The following SCTR variants were observed in gnomAD, a reference collection of about 807,000 sequenced individuals.
SCTR encodes the protein secretin receptor, also known as pancreatic secretin receptor.
SCTR carries 56 observed loss-of-function variants against 60.8 expected under a neutral mutation model. That is an observed-to-expected ratio of 0.92 (90% CI 0.74 to 1.15). The LOEUF (loss-of-function observed/expected upper bound fraction) is 1.15. Ranked by LOEUF, SCTR falls within the 50% of genes most tolerant of loss-of-function variation. The pLI, the probability that SCTR is intolerant of heterozygous loss-of-function variation, is 0.00. For synonymous variants in SCTR, 202 were observed against 217.0 expected, an observed-to-expected ratio of 0.93 and a Z score of 0.61; for missense variants, 562 against 550.4, an observed-to-expected ratio of 1.02 and a Z score of -0.21.
chr2:119,462,157 T>C (rs1683637517), intron 6 of SCTR, among the ~76,000 whole-genome samples, 157 bp from the exon 7 acceptor site: 1 of 152,162 alleles, frequency 6.6e-6, no homozygotes, highest in African/African-American at 2.4e-5. Context: ...CCTTCCTCCA[T>C]CAGGCCTGCA....
rs1436995496 is a variant in SCTR at position 119,470,315 on chromosome 2, C to A, written c.405+3138G>T. On this transcript the variant is annotated intron_variant, in intron 4 of 12. Coordinates refer to ENST00000019103, the MANE Select transcript of SCTR (RefSeq NM_002980.3). ...AAAAAGAAAAGCAACTAATACATAC[C>A]TTCACCCTCAGTTGATAAAAAGACA... Among the ~76,000 whole-genome samples the A allele has an allele frequency of 2.6e-5, 4 of 152,246 alleles. No individual in the cohort carries two copies. In the East Asian group the frequency reaches 7.7e-4, roughly 29 times the overall value.
At chr2:119,481,241 A>G (rs1677586974) in intron 2 of SCTR, among the ~76,000 whole-genome samples, 1 of 152,200 alleles carries the variant, frequency 6.6e-6, no homozygotes, top group Non-Finnish European at 1.5e-5. Flanking sequence ...TTTTTTAAGG[A>G]GCAAGAACCT....
In SCTR at chr2:119,465,653, T is replaced by C. The variant is rs1558849747; in HGVS notation, c.503+136A>G. ...TCACAGGAACCTCGATGTTTTGCCA[T>C]AGGTCAGCTTTAGATCAAGAGACGA... On this transcript the variant is annotated intron_variant, in intron 5 of 12. Transcript: ENST00000019103. 2.0e-5 allele frequency: 13 copies of C among 637,664 alleles called. No individual in the cohort carries two copies. In the East Asian group the frequency reaches 3.5e-4, roughly 17 times the overall value. The allele number at this position is 637,664 out of a possible 1,614,324, so 39.5% of individuals were successfully genotyped here. A position where few individuals can be genotyped will look rare whatever the true frequency, so the allele number is the denominator to read the frequency against.
intron 1 of SCTR, 108 bp downstream of exon 1, chr2:119,524,047 T>A: frequency 1.2e-6 from 1 of 811,760 alleles, no homozygotes; most frequent in Non-Finnish European, 2.1e-6. Context: ...CTATTCCTCA[T>A]GGGAAGATCT....
chr2:119,461,913 T>A lies in SCTR; in HGVS notation c.724A>T (p.Thr242Ser), dbSNP rs754194199. The A allele has an allele frequency of 2.5e-6, 4 of 1,613,928 alleles. No homozygotes were observed. The highest frequency in any genetic ancestry group is 3.4e-6 in the Non-Finnish European group (4 of 1,179,952). ...GAGAAGAAGGAGATGGCGAGGAGTG[T>A]GTGAAGGTAGAGGCCTTCCACCAGC... ...WLLVEGLYLH[T>S]LLAISFFSER... Residue 242 changes from threonine (T) to serine (S), a missense_variant, in exon 7 of 13, where the codon ACA becomes TCA. Thr to Ser is a moderately conservative substitution (Grantham distance 58, BLOSUM62 1). Transcript: ENST00000019103.
intron 10 of SCTR, 102 bp downstream of exon 10, chr2:119,448,587 A>G: frequency 1.4e-6 from 1 of 724,222 alleles, no homozygotes; most frequent in Non-Finnish European, 2.5e-6. Context: ...TAGGTCTACA[A>G]CGTTTCCTCC....
chr2:119,442,371 C>T (rs1682688298), intron 11 of SCTR, among the ~76,000 whole-genome samples: 1 of 152,232 alleles, frequency 6.6e-6, no homozygotes, highest in Non-Finnish European at 1.5e-5. Context: ...CCCTGCTCCT[C>T]TCCTTTCTCA....
intron 7 of SCTR, among the ~76,000 whole-genome samples, chr2:119,459,483 G>T (rs1683512798): frequency 6.6e-6 from 1 of 151,784 alleles, no homozygotes; most frequent in Admixed American, 6.6e-5. Flanking sequence ...ACCTATCTTT[G>T]ATGAAATCAG....
chr2:119,469,245 GT>G (rs1465633178), intron 4 of SCTR, among the ~76,000 whole-genome samples: 1 of 152,134 alleles, frequency 6.6e-6, no homozygotes, highest in Non-Finnish European at 1.5e-5. Flanking sequence ...ATTGCAGAGG[GT>G]GTCAGCCTCA....
At chr2:119,473,188 C>G (rs1169743463) in intron 4 of SCTR, among the ~76,000 whole-genome samples, 1 of 152,208 alleles carries the variant, frequency 6.6e-6, no homozygotes, top group Non-Finnish European at 1.5e-5. Flanking sequence ...ACAGCACCCC[C>G]AGTCTCGCGG....
chr2:119,499,836 C>T (rs1347045998), intron 1 of SCTR, among the ~76,000 whole-genome samples: 4 of 152,038 alleles, frequency 2.6e-5, no homozygotes, highest in African/African-American at 9.7e-5. Flanking sequence ...TTAATGTTGA[C>T]ATTTCTTGCC....
chr2:119,450,338 A>G (rs1044193691), intron 9 of SCTR, among the ~76,000 whole-genome samples: 2 of 152,166 alleles, frequency 1.3e-5, no homozygotes, highest in Non-Finnish European at 2.9e-5. Context: ...AGCCCTGGAC[A>G]CTGGAGCTGG....
intron 1 of SCTR, among the ~76,000 whole-genome samples, chr2:119,512,897 G>A (rs1475551064): frequency 6.6e-6 from 1 of 152,068 alleles, no homozygotes; most frequent in Non-Finnish European, 1.5e-5. Flanking sequence ...TCTTAAGTTT[G>A]TCTCCTCTTG....
chr2:119,463,388 A>G (rs578025948), intron 6 of SCTR, among the ~76,000 whole-genome samples: 1 of 152,326 alleles, frequency 6.6e-6, no homozygotes. Context: ...GAACACAGAC[A>G]GGAGGCCTGG....
chr2:119,457,127 A>C (rs1044953698), intron 7 of SCTR, among the ~76,000 whole-genome samples: 6 of 152,242 alleles, frequency 3.9e-5, no homozygotes, highest in Non-Finnish European at 8.8e-5. Flanking sequence ...ACAAACAAAT[A>C]GGAACTGATA....
chr2:119,514,395 G>A (rs1378897769), intron 1 of SCTR, among the ~76,000 whole-genome samples: 3 of 152,192 alleles, frequency 2.0e-5, no homozygotes, highest in African/African-American at 7.2e-5. Flanking sequence ...AGGCTATGGA[G>A]CATCCATATA....
intron 4 of SCTR, among the ~76,000 whole-genome samples, chr2:119,470,220 T>A (rs1315433488): frequency 6.6e-6 from 1 of 152,160 alleles, no homozygotes; most frequent in African/African-American, 2.4e-5. Context: ...ACTATTGGTG[T>A]CAGTAATATT....
intron 1 of SCTR, among the ~76,000 whole-genome samples, chr2:119,503,107 C>T (rs1288783783): frequency 7.6e-6 from 1 of 131,422 alleles, no homozygotes; most frequent in Admixed American, 9.1e-5. Context: ...TGCAATGAGC[C>T]AAGATAGCGC....
At chr2:119,458,127 C>A (rs1008937381) in intron 7 of SCTR, among the ~76,000 whole-genome samples, 2 of 150,720 alleles carry the variant, frequency 1.3e-5, no homozygotes, top group African/African-American at 2.4e-5. Context: ...GACACTGTCT[C>A]TACAAAAAAT....
Sources: allele counts gnomAD v4.1 joint callset (sites outside exome capture counted in the v4.1 genomes callset), GRCh38; gene constraint gnomAD v4.1.1; transcripts MANE v1.5; gene names NCBI Gene and HGNC (gene_info 2026-07-23, HGNC 2026-07-21).